The following UGT1A7 variants were observed in gnomAD, a reference collection of about 807,000 sequenced individuals.
The protein encoded by UGT1A7 is UDP glucuronosyltransferase family 1 member A7.
UGT1A7 carries 33 observed loss-of-function variants against 45.6 expected under a neutral mutation model. That is an observed-to-expected ratio of 0.72 (90% confidence interval 0.55 to 0.97). UGT1A7 has a LOEUF of 0.97. UGT1A7 is among the 50% of genes least tolerant of loss of function. The pLI is 0.00. For synonymous variants in UGT1A7, 274 were observed against 250.6 expected, an observed-to-expected ratio of 1.09 and a Z score of -0.88; for missense variants, 684 against 666.2, an observed-to-expected ratio of 1.03 and a Z score of -0.29.
At chr2:233,760,521 G>A (rs2125985351) in intron 1 of UGT1A7, 2 of 1,614,238 alleles carry the variant, frequency 1.2e-6, no homozygotes, top group Non-Finnish European at 1.7e-6. Flanking sequence ...CCTTGAAGAC[G>A]TACCCTGTGC....
intron 1 of UGT1A7, chr2:233,713,248 A>T (rs1380028747): frequency 1.2e-6 from 2 of 1,614,260 alleles, no homozygotes; most frequent in Non-Finnish European, 1.7e-6. Context: ...TCATGGACCC[A>T]GGACGAATTT....
intron 1 of UGT1A7, among the ~76,000 whole-genome samples, chr2:233,720,053 A>T (rs2076826594): frequency 6.6e-6 from 1 of 152,182 alleles, no homozygotes; most frequent in Non-Finnish European, 1.5e-5. Flanking sequence ...CTGAACGGTG[A>T]TGCAACAGTA....
At chr2:233,738,799 A>T (rs560020824) in intron 1 of UGT1A7, among the ~76,000 whole-genome samples, 1 of 152,338 alleles carries the variant, frequency 6.6e-6, no homozygotes, top group African/African-American at 2.4e-5. Flanking sequence ...ATGCAGAAAT[A>T]CTAGCTAAAG....
Position 233,772,527 on chromosome 2 carries a change from G to C in UGT1A7, c.1561G>C (p.Val521Leu), listed in dbSNP as rs769084242. The part of the protein sequence containing the change: ...YRKCLGKKGR[V>L]KKAHKSKTH ...GAAATGCTTGGGGAAAAAAGGGCGA[G>C]TTAAGAAAGCCCACAAATCCAAGAC... Residue 521 changes from valine to leucine, a missense_variant, in exon 5 of 5, where the codon GTT (valine) becomes CTT (leucine). Physicochemically the swap from Val to Leu is conservative, Grantham distance 32 (BLOSUM62 1). Coordinates refer to ENST00000373426, the MANE Select transcript of UGT1A7 (RefSeq NM_019077.3). The C allele has an allele frequency of 1.9e-6, 3 of 1,614,046 alleles. No homozygotes were observed. The highest frequency in any genetic ancestry group is 1.6e-4 in the Middle Eastern group (1 of 6,084).
At chr2:233,747,694 T>C in intron 1 of UGT1A7, 1 of 1,611,670 alleles carries the variant, frequency 6.2e-7, no homozygotes, top group Non-Finnish European at 8.5e-7. Context: ...GGGGCAGTGC[T>C]GGCTAAGTAC....
chr2:233,740,463 A>G (rs1427389799), intron 1 of UGT1A7, among the ~76,000 whole-genome samples: 2 of 151,964 alleles, frequency 1.3e-5, no homozygotes, highest in Non-Finnish European at 2.9e-5. Context: ...AAGATGATGG[A>G]CAGAAAGGAT....
chr2:233,719,024 C>T (rs2076714368), intron 1 of UGT1A7: 2 of 1,614,250 alleles, frequency 1.2e-6, no homozygotes, highest in Non-Finnish European at 8.5e-7. Context: ...TGAATATGCA[C>T]ATCAAAGAAG....
intron 1 of UGT1A7, among the ~76,000 whole-genome samples, chr2:233,738,371 C>A (rs1337680224): frequency 1.3e-5 from 2 of 152,150 alleles, no homozygotes; most frequent in African/African-American, 4.8e-5. Context: ...TGCTATAAAA[C>A]TACTTGAAAA....
intron 1 of UGT1A7, chr2:233,755,162 G>C: frequency 2.3e-6 from 3 of 1,279,936 alleles, no homozygotes; most frequent in Non-Finnish European, 3.2e-6. Context: ...CCCTGTCCTC[G>C]GGGTTTTTGT....
chr2:233,755,271 C>CATAG, intron 1 of UGT1A7: 1 of 755,820 alleles, frequency 1.3e-6, no homozygotes. Flanking sequence ...GTCCACTATG[C>CATAG]TGGACTGCCA....
intron 1 of UGT1A7, chr2:233,717,721 G>A: frequency 2.2e-6 from 1 of 454,902 alleles, no homozygotes; most frequent in South Asian, 1.6e-5. Context: ...TCATGGGCAT[G>A]AGACCATTGT....
At position 233,743,856 on chromosome 2, in the gene UGT1A7, T is replaced by C. The variant is rs764670005; in HGVS notation, c.856-23178T>C. The stretch of plus-strand genomic sequence containing the variant: ...TTGAGCGCCAGCTTGCGGTACGCCT[T>C]CTTGATGGCCTCGGATGAGGCCTGC... On this transcript the variant is annotated intron_variant, in intron 1 of 4. Transcript: ENST00000373426. The C allele has an allele frequency of 2.9e-6, 4 of 1,367,240 alleles. No homozygotes were observed. The East Asian group carries it at 1.4e-4, about 47-fold the overall frequency. The allele number at this position is 1,367,240 out of a possible 1,614,324, so 84.7% of individuals were successfully genotyped here.
intron 1 of UGT1A7, among the ~76,000 whole-genome samples, chr2:233,687,113 A>G (rs2074823796): frequency 1.3e-5 from 2 of 152,234 alleles, no homozygotes; most frequent in South Asian, 4.1e-4. Flanking sequence ...AAACTTGGGT[A>G]AAAACTCAGC....
At chr2:233,755,259 T>C in intron 1 of UGT1A7, 1 of 802,542 alleles carries the variant, frequency 1.2e-6, no homozygotes, top group African/African-American at 1.7e-5. Context: ...CACCTCGTAG[T>C]AGTCCACTAT....
At chr2:233,690,895 A>T (rs2075020121) in intron 1 of UGT1A7, 1 of 1,035,548 alleles carries the variant, frequency 9.7e-7, no homozygotes, top group African/African-American at 1.7e-5. Context: ...AAGGGATGGT[A>T]TGCATAGTGA....
intron 1 of UGT1A7, chr2:233,691,057 C>T: frequency 1.0e-6 from 1 of 987,646 alleles, no homozygotes; most frequent in Admixed American, 6.0e-5. Context: ...GAGTGGAGGT[C>T]TAGTATAAAG....
At chr2:233,760,586 T>G in intron 1 of UGT1A7, 1 of 1,614,234 alleles carries the variant, frequency 6.2e-7, no homozygotes, top group Non-Finnish European at 8.5e-7. Flanking sequence ...CATAATGTTT[T>G]TGAGAATGAT....
rs1575521689 is a variant in UGT1A7, at chr2:233,718,730, T to C, written c.855+35938T>C. Reference sequence around the variant, plus strand: ...TCCAATTACATGCTGATTTGCTAGGTGGCTCAATGACAAGGTAATTAAGGC... The same window carrying C: ...TCCAATTACATGCTGATTTGCTAGGCGGCTCAATGACAAGGTAATTAAGGC... On this transcript the variant is annotated intron_variant, in intron 1 of 4. Transcript: ENST00000373426. 6.2e-6 allele frequency: 10 copies of C among 1,611,210 alleles called. No homozygotes were observed. The East Asian group carries it at 2.2e-4, about 36-fold the overall frequency.
chr2:233,772,588 TG>T lies in UGT1A7; in HGVS notation c.*30del, dbSNP rs774491304. The T allele has an allele frequency of 1.9e-6, 3 of 1,604,040 alleles. No homozygotes were observed. The South Asian group carries it at 3.3e-5, about 18-fold the overall frequency. On this transcript the variant is annotated 3_prime_UTR_variant, in exon 5 of 5. Transcript: ENST00000373426. ...GTGGGTGGGAAATAAGGTAAAATTT[TG>T]AACCATTCCCTAGTCATTTCCAAAC...
Sources: gnomAD v4.1 joint callset for allele counts (sites outside exome capture counted in the v4.1 genomes callset) on GRCh38, gnomAD v4.1.1 for gene constraint, MANE v1.5 for transcripts, NCBI Gene and HGNC (gene_info 2026-07-23, HGNC 2026-07-21) for gene names.